PPP6R3: variants seen among roughly 807,000 people sequenced by gnomAD.
PPP6R3 encodes the protein serine/threonine-protein phosphatase 6 regulatory subunit 3.
Under a neutral mutation model 110.7 loss-of-function variants are expected in PPP6R3, and 38 were observed. That is an observed-to-expected ratio of 0.34 (90% CI 0.26 to 0.45). The LOEUF (loss-of-function observed/expected upper bound fraction) is 0.45. Ranked by LOEUF, PPP6R3 falls within the 20% of genes least tolerant of loss-of-function variation. The probability of loss-of-function intolerance (pLI) is 1.00; values close to 1 mark genes in which losing one functional copy is unlikely to be tolerated. For synonymous variants in PPP6R3, 369 were observed against 373.5 expected (o/e 0.99, Z 0.14); for missense variants, 870 against 1,062.4 (o/e 0.82, Z 2.52).
rs2099153702 is a variant in PPP6R3 at position 68,519,587 on chromosome 11, C to A, written c.-71C>A. 2 of 398,536 alleles carry A rather than the reference C, an allele frequency of 5.0e-6. No individual in the cohort carries two copies. The highest frequency in any genetic ancestry group is 8.8e-6 in the Non-Finnish European group (2 of 226,056). The allele number at this position is 398,536 out of a possible 1,614,324, so 24.7% of individuals were successfully genotyped here. On this transcript the variant is annotated 5_prime_UTR_variant, in exon 2 of 24. In the 5' UTR this introduces an upstream ATG that the reference lacks. Coordinates refer to ENST00000393800, the MANE Select transcript of PPP6R3 (RefSeq NM_001164161.2). ...GGAGGAAAACTGTTACCAGGATAAC[C>A]TGTAATGGGCAAGGAGCCACAAAGA...
Position 68,614,954 on chromosome 11 carries a change from GCCTCCGTGGTATGGA to G in PPP6R3, c.*1841_*1855del. On this transcript the variant is annotated 3_prime_UTR_variant, in exon 24 of 24. Transcript: ENST00000393800. ...TTTGGCTCCACTGGTGGCACACGTG[GCCTCCGTGGTATGGA>G]CCTGGTGGCTTCTCCATCCCACTGT... 1.6e-6 allele frequency: 1 copy of G among 615,422 alleles called. No homozygotes were observed. The highest frequency in any genetic ancestry group is 3.0e-6 in the Non-Finnish European group (1 of 331,706). The allele number at this position is 615,422 out of a possible 1,614,324, so 38.1% of individuals were successfully genotyped here. A position where few individuals can be genotyped will look rare whatever the true frequency, so the allele number is the denominator to read the frequency against.
At chr11:68,607,315 G>A (rs186199207) in intron 22 of PPP6R3, among the ~76,000 whole-genome samples, 3 of 152,234 alleles carry the variant, frequency 2.0e-5, no homozygotes, top group African/African-American at 7.2e-5. Flanking sequence ...ACAGGTACAG[G>A]TGTCAGTGTG....
At chr11:68,469,160 A>T (rs768576534) in intron 1 of PPP6R3, among the ~76,000 whole-genome samples, 11 of 152,214 alleles carry the variant, frequency 7.2e-5, no homozygotes, top group Non-Finnish European at 1.5e-4. Context: ...CTGCTTTTGT[A>T]GTGTGAAAGC....
intron 7 of PPP6R3, among the ~76,000 whole-genome samples, chr11:68,554,458 C>G (rs1158085289): frequency 6.6e-6 from 1 of 152,114 alleles, no homozygotes; most frequent in Non-Finnish European, 1.5e-5. Flanking sequence ...ACATTTATAT[C>G]TAGACTTTGA....
At chr11:68,565,110 T>C (rs1053658494) in intron 9 of PPP6R3, among the ~76,000 whole-genome samples, 1 of 152,124 alleles carries the variant, frequency 6.6e-6, no homozygotes, top group Non-Finnish European at 1.5e-5. Context: ...TCCTGCCCTA[T>C]ATCATTGAAT....
chr11:68,461,662 C>G (rs1484434332), intron 1 of PPP6R3, among the ~76,000 whole-genome samples: 2 of 151,950 alleles, frequency 1.3e-5, no homozygotes, highest in African/African-American at 2.4e-5. Flanking sequence ...ACCTCCGTGC[C>G]CTGACGTTTC....
chr11:68,473,417 T>G (rs563560118), intron 1 of PPP6R3, among the ~76,000 whole-genome samples: 1 of 152,236 alleles, frequency 6.6e-6, no homozygotes, highest in African/African-American at 2.4e-5. Context: ...TACCTTGCCA[T>G]GCGTATCTCT....
intron 1 of PPP6R3, among the ~76,000 whole-genome samples, chr11:68,515,361 C>T (rs567816554): frequency 5.1e-4 from 77 of 152,388 alleles, no homozygotes; most frequent in African/African-American, 1.8e-3. Context: ...TCAGGGTCTC[C>T]ACAAGGCAGA....
At chr11:68,522,027 C>G (rs1253804990) in intron 2 of PPP6R3, among the ~76,000 whole-genome samples, 1 of 152,196 alleles carries the variant, frequency 6.6e-6, no homozygotes, top group Non-Finnish European at 1.5e-5. Flanking sequence ...CATTCTCTAT[C>G]AGTCCCCAAG....
At chr11:68,556,057 CTATT>C (rs1198572012) in intron 7 of PPP6R3, among the ~76,000 whole-genome samples, 8 of 152,024 alleles carry the variant, frequency 5.3e-5, no homozygotes, top group Non-Finnish European at 1.2e-4. Flanking sequence ...TATGTAATAT[CTATT>C]TGATAAATCA....
intron 2 of PPP6R3, among the ~76,000 whole-genome samples, chr11:68,527,666 A>G (rs1472558553): frequency 6.6e-6 from 1 of 152,226 alleles, no homozygotes; most frequent in Non-Finnish European, 1.5e-5. Context: ...TCTGCTGTAG[A>G]TATTTTAATG....
intron 1 of PPP6R3, among the ~76,000 whole-genome samples, chr11:68,497,295 C>A (rs2099023406): frequency 6.6e-6 from 1 of 150,870 alleles, no homozygotes; most frequent in Non-Finnish European, 1.5e-5. Context: ...ACCTCGTGAT[C>A]CGCCCATCTC....
At position 68,564,977 on chromosome 11, in the gene PPP6R3, C is replaced by T. The variant is rs556963617; in HGVS notation, c.975+545C>T. Among the ~76,000 whole-genome samples the T allele has an allele frequency of 5.1e-4, 77 of 152,282 alleles. No individual in the cohort carries two copies. In the South Asian group the frequency reaches 0.014, roughly 28 times the overall value. On this transcript the variant is annotated intron_variant, in intron 9 of 23. Coordinates refer to ENST00000393800, the MANE Select transcript of PPP6R3 (RefSeq NM_001164161.2). ...CAGCAGTCTATAAATGGTGTTCTTTCGCCCCTTGGATTGATACAGATTTAG... is the reference window on the plus strand; with the variant it reads ...CAGCAGTCTATAAATGGTGTTCTTTTGCCCCTTGGATTGATACAGATTTAG...
intron 11 of PPP6R3, among the ~76,000 whole-genome samples, chr11:68,570,321 CT>C (rs1260955484): frequency 2.0e-5 from 3 of 152,194 alleles, no homozygotes; most frequent in Admixed American, 6.5e-5. Flanking sequence ...CCTGGGGTCT[CT>C]TTTTCTCTTC....
At chr11:68,502,333 C>CT (rs1480923630) in intron 1 of PPP6R3, among the ~76,000 whole-genome samples, 1 of 152,134 alleles carries the variant, frequency 6.6e-6, no homozygotes. Flanking sequence ...ATTTTATACT[C>CT]TTAGTACCTC....
At chr11:68,574,640 A>G (rs1032219718) in intron 13 of PPP6R3, among the ~76,000 whole-genome samples, 1 of 152,206 alleles carries the variant, frequency 6.6e-6, no homozygotes, top group African/African-American at 2.4e-5. Context: ...TTTAACTGGA[A>G]TATTAGGGCA....
At position 68,477,742 on chromosome 11, in the gene PPP6R3, ATATAT is replaced by A. The variant is rs1378648933; in HGVS notation, c.-158+16916_-158+16920del. 6.1e-3 allele frequency among the ~76,000 whole-genome samples: 304 copies of A among 49,620 alleles called. 7 individuals are homozygous for A. The highest frequency in any genetic ancestry group is 0.02 in the African/African-American group (240 of 11,924). 32.6% of individuals were successfully genotyped at this position (49,620 alleles called of 152,430 possible). A position where few individuals can be genotyped will look rare whatever the true frequency, so the allele number is the denominator to read the frequency against. ...ACATTGTCTCTTAAAAAAAAAAAAA[ATATAT>A]ATATATATATATATATATATATATA... is the stretch of plus-strand genomic sequence containing the variant. On this transcript the variant is annotated intron_variant, in intron 1 of 23. Transcript: ENST00000393800.
chr11:68,584,623 T>G (rs2099572446), intron 15 of PPP6R3, among the ~76,000 whole-genome samples: 2 of 152,220 alleles, frequency 1.3e-5, no homozygotes, highest in Non-Finnish European at 2.9e-5. Flanking sequence ...ATTCCTTTAT[T>G]TCTCATGATA....
In PPP6R3 at chr11:68,588,001, T is replaced by G. The variant is rs771027357; in HGVS notation, c.1707T>G (p.Phe569Leu). ...AGTTTGGCTTCAACGATGAGAAGTT[T>G]GCAGATCAAGATGACATTGGCAAGT... ...IDQFGFNDEK[F>L]ADQDDIGNVS... Residue 569 changes from phenylalanine to leucine, a missense_variant, in exon 16 of 24, where the codon TTT becomes TTG. Transcript: ENST00000393800. 6.2e-7 allele frequency: 1 copy of G among 1,614,146 alleles called. No individual in the cohort carries two copies. The highest frequency in any genetic ancestry group is 1.1e-5 in the South Asian group (1 of 91,082).
Sources: allele counts gnomAD v4.1 joint callset (sites outside exome capture counted in the v4.1 genomes callset), GRCh38; gene constraint gnomAD v4.1.1; transcripts MANE v1.5; gene names NCBI Gene and HGNC (gene_info 2026-07-23, HGNC 2026-07-21).